Variants in DISP1 observed in about 807,000 individuals in gnomAD.
DISP1 encodes dispatched RND transporter family member 1, also known as protein dispatched homolog 1.
In DISP1, 30 loss-of-function variants were observed where a neutral mutation model predicts 37.3. That is an observed-to-expected ratio of 0.80 (90% CI 0.60 to 1.09). DISP1 has a LOEUF of 1.09. Among genes scored for constraint, DISP1 ranks in the 50% least tolerant of loss-of-function variants. DISP1 has a pLI of 0.00. For synonymous variants in DISP1, 634 were observed against 690.2 expected (o/e 0.92, Z 1.28); for missense variants, 1,598 against 1,879.5 (o/e 0.85, Z 2.77).
chr1:222,943,390 G>A (rs1674528559), intron 3 of DISP1, 58 bp downstream of exon 3: 1 of 1,607,458 alleles, frequency 6.2e-7, no homozygotes, highest in African/African-American at 1.3e-5. Flanking sequence ...GAACATGACA[G>A]CTTGTGTTTA....
intron 1 of DISP1, among the ~76,000 whole-genome samples, chr1:222,825,129 C>A (rs1164897785): frequency 2.8e-5 from 4 of 144,000 alleles, no homozygotes; most frequent in African/African-American, 7.9e-5. Context: ...CTCAAATAGT[C>A]TCTCCCCAGG....
At chr1:222,831,010 T>A (rs1395085065) in intron 1 of DISP1, 9 of 152,216 alleles carry the variant, frequency 5.9e-5, no homozygotes, top group African/African-American at 1.7e-4. Context: ...TGGTGGCACA[T>A]GTGACTGATG....
chr1:222,831,174 T>G (rs1053417570), intron 1 of DISP1: 1 of 152,234 alleles, frequency 6.6e-6, no homozygotes, highest in African/African-American at 2.4e-5. Context: ...AAATACTTCT[T>G]TAATGGTTCT....
At chr1:222,941,655 T>C (rs1674394825) in intron 2 of DISP1, among the ~76,000 whole-genome samples, 1 of 152,148 alleles carries the variant, frequency 6.6e-6, no homozygotes, top group African/African-American at 2.4e-5. Context: ...TGGGTGAAAA[T>C]GTACATAGGA....
At chr1:222,954,566 T>C (rs948868554) in intron 3 of DISP1, among the ~76,000 whole-genome samples, 10 of 152,130 alleles carry the variant, frequency 6.6e-5, no homozygotes, top group Non-Finnish European at 1.2e-4. Flanking sequence ...CAACTTATAG[T>C]CTAGAAGGAG....
chr1:222,872,212 A>G (rs944119591), intron 1 of DISP1: 2 of 152,268 alleles, frequency 1.3e-5, no homozygotes, highest in Non-Finnish European at 2.9e-5. Context: ...GGGTTTTTGC[A>G]TCAATGTTCA....
intron 3 of DISP1, among the ~76,000 whole-genome samples, chr1:222,959,561 A>G (rs1675870906): frequency 1.3e-5 from 2 of 151,948 alleles, no homozygotes; most frequent in Admixed American, 1.3e-4. Flanking sequence ...TGAGCCAGGC[A>G]TGGTGATACA....
At chr1:222,887,738 T>A (rs1331106716) in intron 1 of DISP1, among the ~76,000 whole-genome samples, 4 of 149,928 alleles carry the variant, frequency 2.7e-5, no homozygotes, top group Non-Finnish European at 1.5e-5. Context: ...GACCTCATGA[T>A]CCACCCGCCT....
chr1:222,906,914 C>G lies in DISP1; in HGVS notation c.-158-21516C>G, dbSNP rs577616409. On this transcript the variant is annotated intron_variant, in intron 1 of 8. Transcript: ENST00000675850. ...CCTCTCTTAGGGTCTGGATCAGTAC[C>G]CCTTTGAGTAACAAAGTAATGAGGT... Among the ~76,000 whole-genome samples the G allele has an allele frequency of 5.9e-5, 9 of 152,240 alleles. No individual in the cohort carries two copies. The South Asian group carries it at 1.9e-3, about 32-fold the overall frequency.
intron 1 of DISP1, among the ~76,000 whole-genome samples, chr1:222,864,106 A>T (rs1215186158): frequency 2.0e-5 from 3 of 152,198 alleles, no homozygotes; most frequent in African/African-American, 7.2e-5. Context: ...TTAAAGTTTT[A>T]TATCTAAACT....
chr1:222,839,590 T>G (rs902388420), intron 1 of DISP1, among the ~76,000 whole-genome samples: 12 of 152,144 alleles, frequency 7.9e-5, no homozygotes, highest in Admixed American at 3.9e-4. Flanking sequence ...TAATTTACAG[T>G]AGCATTATAT....
intron 1 of DISP1, among the ~76,000 whole-genome samples, chr1:222,903,166 C>G (rs79043913): frequency 2.6e-5 from 4 of 151,206 alleles, no homozygotes; most frequent in African/African-American, 7.3e-5. Flanking sequence ...ATGGATGAAA[C>G]TGGAAATCAT....
intron 1 of DISP1, among the ~76,000 whole-genome samples, chr1:222,887,538 C>CCGGACTG (rs1670682595): frequency 1.1e-5 from 1 of 90,222 alleles, no homozygotes; most frequent in South Asian, 3.7e-4. Flanking sequence ...GTTGCCCAGG[C>CCGGACTG]CGGACTGCGG....
At chr1:222,876,048 A>G (rs1003810043) in intron 1 of DISP1, among the ~76,000 whole-genome samples, 5 of 151,950 alleles carry the variant, frequency 3.3e-5, no homozygotes, top group Non-Finnish European at 5.9e-5. Flanking sequence ...AACTTGATCT[A>G]TCAGAGGACA....
At chr1:222,948,707 G>A (rs1674973855) in intron 3 of DISP1, among the ~76,000 whole-genome samples, 1 of 152,158 alleles carries the variant, frequency 6.6e-6, no homozygotes, top group Non-Finnish European at 1.5e-5. Context: ...TGTTTAAGGT[G>A]TATTTATGAC....
chr1:222,943,359 A>G (rs1161058052), intron 3 of DISP1, 27 bp downstream of exon 3: 1 of 1,614,060 alleles, frequency 6.2e-7, no homozygotes. Flanking sequence ...TTTTGCTTTT[A>G]GCATTCAACT....
intron 1 of DISP1, among the ~76,000 whole-genome samples, chr1:222,846,376 A>G (rs890257123): frequency 6.6e-6 from 1 of 152,238 alleles, no homozygotes; most frequent in African/African-American, 2.4e-5. Flanking sequence ...CTGTAATCCC[A>G]GGTACTCGGG....
At chr1:222,873,816 A>G (rs1460573301) in intron 1 of DISP1, among the ~76,000 whole-genome samples, 2 of 152,156 alleles carry the variant, frequency 1.3e-5, no homozygotes, top group African/African-American at 2.4e-5. Flanking sequence ...TCCTGTTATT[A>G]TGATGTTAGC....
At chr1:223,001,735 G>A (rs1679463890) in intron 8 of DISP1, among the ~76,000 whole-genome samples, 1 of 152,092 alleles carries the variant, frequency 6.6e-6, no homozygotes, top group South Asian at 2.1e-4. Context: ...ATTCATGAGG[G>A]CTCCTCCCTT....
Sources: gnomAD v4.1 joint callset for allele counts (sites outside exome capture counted in the v4.1 genomes callset) on GRCh38, gnomAD v4.1.1 for gene constraint, MANE v1.5 for transcripts, NCBI Gene and HGNC (gene_info 2026-07-23, HGNC 2026-07-21) for gene names.